Variants in METAP1D observed in about 807,000 individuals in gnomAD.
The protein encoded by METAP1D is methionyl aminopeptidase type 1D, mitochondrial.
In METAP1D, 31 loss-of-function variants were observed where a neutral mutation model predicts 40.5. The observed-to-expected ratio is 0.77, with a 90% confidence interval of 0.58 to 1.03. The LOEUF (loss-of-function observed/expected upper bound fraction) is 1.03. Among genes scored for constraint, METAP1D ranks in the 50% least tolerant of loss-of-function variants. The pLI is 0.00. For missense variants in METAP1D, 411 were observed against 420.7 expected, an observed-to-expected ratio of 0.98 and a Z score of 0.20; for synonymous variants, 151 against 146.4, an observed-to-expected ratio of 1.03 and a Z score of -0.22.
intron 1 of METAP1D, among the ~76,000 whole-genome samples, chr2:172,030,101 T>TA (rs1559000792): frequency 1.9e-4 from 28 of 150,090 alleles, no homozygotes; most frequent in Admixed American, 3.3e-4. Flanking sequence ...TTTATTTATT[T>TA]TTTTTGAGGC....
chr2:172,033,581 C>A (rs1409661435), intron 1 of METAP1D, among the ~76,000 whole-genome samples: 2 of 151,928 alleles, frequency 1.3e-5, no homozygotes, highest in African/African-American at 4.8e-5. Context: ...GTTTCGAATT[C>A]CTGACCTCAA....
At chr2:172,072,533 A>G (rs906348999) in intron 6 of METAP1D, 1 of 166,896 alleles carries the variant, frequency 6.0e-6, no homozygotes, top group Non-Finnish European at 1.5e-5. Flanking sequence ...ACATTCATCA[A>G]CTGCAGAAAA....
chr2:172,060,861 T>G (rs1217127238), intron 1 of METAP1D, among the ~76,000 whole-genome samples: 2 of 152,270 alleles, frequency 1.3e-5, no homozygotes, highest in Non-Finnish European at 2.9e-5. Context: ...GATGAACTGC[T>G]GAGTCAAAGG....
In METAP1D at chr2:172,042,483, A is replaced by G. The variant is rs1361242042; in HGVS notation, c.41-19015A>G. The stretch of plus-strand genomic sequence containing the variant: ...TATACATATATACATATGTGTGTGT[A>G]CATGTGTACATATATACATATATAC... On this transcript the variant is annotated intron_variant, in intron 1 of 9. Coordinates refer to ENST00000315796, the MANE Select transcript of METAP1D (RefSeq NM_199227.3). Among the ~76,000 whole-genome samples the G allele has an allele frequency of 6.2e-4, 31 of 50,376 alleles. 14 individuals carry two copies. The highest frequency in any genetic ancestry group is 9.6e-4 in the Non-Finnish European group (25 of 26,084). 33.0% of individuals were successfully genotyped at this position (50,376 alleles called of 152,430 possible). A position where few individuals can be genotyped will look rare whatever the true frequency, so the allele number is the denominator to read the frequency against.
chr2:172,006,572 T>A (rs1296440109), intron 1 of METAP1D, among the ~76,000 whole-genome samples: 1 of 152,206 alleles, frequency 6.6e-6, no homozygotes, highest in African/African-American at 2.4e-5. Context: ...TTAGGGAACT[T>A]GGCAAAGATG....
chr2:172,025,171 T>C (rs1398256703), intron 1 of METAP1D, among the ~76,000 whole-genome samples: 3 of 152,226 alleles, frequency 2.0e-5, no homozygotes, highest in Non-Finnish European at 4.4e-5. Context: ...GTTTTCTCAA[T>C]CAATTGTTCT....
At chr2:172,001,675 T>C (rs768270951) in intron 1 of METAP1D, among the ~76,000 whole-genome samples, 2 of 151,906 alleles carry the variant, frequency 1.3e-5, no homozygotes, top group Non-Finnish European at 2.9e-5. Context: ...ACAGGAAGAT[T>C]TGAGGGGAGA....
At chr2:172,010,142 C>CTTT (rs570964028) in intron 1 of METAP1D, among the ~76,000 whole-genome samples, 1 of 134,362 alleles carries the variant, frequency 7.4e-6, no homozygotes, top group African/African-American at 2.7e-5. Context: ...TTTGTCCCTT[C>CTTT]TTTTTTTTTT....
Position 172,077,747 on chromosome 2 carries a change from C to T in METAP1D, c.705-50C>T, listed in dbSNP as rs1378268841. 5 of 861,146 alleles carry T rather than the reference C, an allele frequency of 5.8e-6. No individual in the cohort carries two copies. The Admixed American group carries it at 9.6e-5, about 16-fold the overall frequency. 53.3% of individuals were successfully genotyped at this position (861,146 alleles called of 1,614,324 possible). On this transcript the variant is annotated intron_variant, in intron 6 of 9. Coordinates refer to ENST00000315796, the MANE Select transcript of METAP1D (RefSeq NM_199227.3). ...AGTGACTTTGTTTTATCTTAGTATG[C>T]CTGAAAAACTTATCTAATTTAATTA...
At chr2:172,039,727 G>T (rs977411309) in intron 1 of METAP1D, among the ~76,000 whole-genome samples, 5 of 151,238 alleles carry the variant, frequency 3.3e-5, no homozygotes, top group African/African-American at 1.2e-4. Context: ...GAGTGCAGGG[G>T]CTCCATCTCA....
Position 172,063,848 on chromosome 2 carries a change from G to A in METAP1D, c.336G>A (p.Gly112=). The change falls in exon 3 of 10, where the codon GGG becomes GGA. Residue 112 remains glycine, a synonymous_variant. Transcript: ENST00000315796. ...QLARHVLLLA[G]KSLKVDMTTE... The stretch of plus-strand genomic sequence containing the variant: ...CCCGCCACGTCCTCCTCTTGGCTGG[G>A]AAGAGTTTAAAGGTGGCGTCTCACC... The A allele has an allele frequency of 1.2e-6, 2 of 1,612,380 alleles. No homozygotes were observed. Among genetic ancestry groups the A allele is most frequent in the Middle Eastern group, 1.7e-4 (1 of 6,052 alleles).
chr2:172,026,595 C>T (rs975630814), intron 1 of METAP1D, among the ~76,000 whole-genome samples: 16 of 152,158 alleles, frequency 1.1e-4, no homozygotes, highest in African/African-American at 3.4e-4. Flanking sequence ...GAGCCCATAG[C>T]GCCTACCTAG....
intron 1 of METAP1D, among the ~76,000 whole-genome samples, chr2:172,042,538 CAT>C (rs141037855): frequency 2.5e-5 from 1 of 40,552 alleles, no homozygotes; most frequent in African/African-American, 9.9e-5. Flanking sequence ...TACATATATA[CAT>C]ATATGTGTGT....
chr2:172,041,808 T>A (rs1400559573), intron 1 of METAP1D, among the ~76,000 whole-genome samples: 2 of 95,094 alleles, frequency 2.1e-5, no homozygotes, highest in Non-Finnish European at 4.6e-5. Flanking sequence ...TATATAGTTT[T>A]TTTTTTTTTT....
chr2:172,034,159 A>G (rs764308989), intron 1 of METAP1D, among the ~76,000 whole-genome samples: 33 of 152,068 alleles, frequency 2.2e-4, no homozygotes, highest in Non-Finnish European at 3.4e-4. Context: ...TGATATCTGA[A>G]TAGGCTTCAA....
chr2:172,079,768 T>C (rs541584533), intron 8 of METAP1D, among the ~76,000 whole-genome samples: 2 of 152,360 alleles, frequency 1.3e-5, no homozygotes, highest in African/African-American at 4.8e-5. Flanking sequence ...GAGCATGTTT[T>C]TAAAATTTAA....
At chr2:172,054,837 A>T (rs1689966608) in intron 1 of METAP1D, among the ~76,000 whole-genome samples, 1 of 152,200 alleles carries the variant, frequency 6.6e-6, no homozygotes, top group South Asian at 2.1e-4. Context: ...AACTCAGACT[A>T]GGTGCTGATA....
In METAP1D at chr2:172,066,605, A is replaced by G. The variant is rs975111584; in HGVS notation, c.540+299A>G. On this transcript the variant is annotated intron_variant, in intron 5 of 9. Coordinates refer to ENST00000315796, the MANE Select transcript of METAP1D (RefSeq NM_199227.3). ...GAGAAGGTGTAATTGTTATTGATCC[A>G]CTGTGTAGTTAACGCAGAGCACCAC... Among the ~76,000 whole-genome samples the G allele has an allele frequency of 3.9e-5, 6 of 152,370 alleles. No homozygotes were observed. In the East Asian group the frequency reaches 9.6e-4, roughly 24 times the overall value.
chr2:172,020,718 T>C (rs1688987164), intron 1 of METAP1D, among the ~76,000 whole-genome samples: 1 of 152,164 alleles, frequency 6.6e-6, no homozygotes, highest in South Asian at 2.1e-4. Flanking sequence ...ATAAGTATTG[T>C]GGAGAAAATA....
Sources: gnomAD v4.1 joint callset for allele counts (sites outside exome capture counted in the v4.1 genomes callset) on GRCh38, gnomAD v4.1.1 for gene constraint, MANE v1.5 for transcripts, NCBI Gene and HGNC (gene_info 2026-07-23, HGNC 2026-07-21) for gene names.